The following KIR2DL3 variants were observed in gnomAD, a reference collection of about 807,000 sequenced individuals.
KIR2DL3 encodes killer cell immunoglobulin-like receptor 2DL3.
In KIR2DL3, 39 loss-of-function variants were observed where a neutral mutation model predicts 33.8. The observed-to-expected ratio is 1.15, with a 90% confidence interval of 0.89 to 1.51. KIR2DL3 has a LOEUF of 1.51. Among genes scored for constraint, KIR2DL3 ranks in the 40% most tolerant of loss-of-function variants. The pLI is 0.00. For synonymous variants in KIR2DL3, 174 were observed against 160.2 expected, an observed-to-expected ratio of 1.09 and a Z score of -0.65; for missense variants, 462 against 426.2, an observed-to-expected ratio of 1.08 and a Z score of -0.74.
intron 4 of KIR2DL3, among the ~76,000 whole-genome samples, chr19:54,744,776 C>G (rs79092889): frequency 0.2 from 26,367 of 131,800 alleles, 7 homozygotes; most frequent in South Asian, 0.27. Flanking sequence ...CCACCCGCAT[C>G]TGCCTCCCAA....
chr19:54,744,034 G>T lies in KIR2DL3; in HGVS notation c.610G>T (p.Asp204Tyr). 2 of 1,614,228 alleles carry T rather than the reference G, an allele frequency of 1.2e-6. No homozygotes were observed. The highest frequency in any genetic ancestry group is 1.3e-5 in the African/African-American group (1 of 75,054). The change falls in exon 4 of 8, where the codon GAC (aspartate) becomes TAC (tyrosine). Residue 204 changes from aspartate to tyrosine, a missense_variant. By Grantham distance (160) the Asp-to-Tyr change is radical. Transcript: ENST00000342376. ...CTACAGATGCTTCGGCTCTTTCCGT[G>T]ACTCTCCATACGAGTGGTCAAACTC... ...GTYRCFGSFR[D>Y]SPYEWSNSSD...
rs1251400719 is a variant in KIR2DL3, at chr19:54,743,972, C to T, written c.548C>T (p.Ala183Val). 9.9e-6 allele frequency: 16 copies of T among 1,614,218 alleles called. 1 individual carries two copies. The Middle Eastern group carries it at 6.6e-4, about 67-fold the overall frequency. ...CCCAAGGTCAACGGAACATTCCAGG[C>T]CGACTTTCCTCTGGGCCCTGCCACC... ...AGPKVNGTFQ[A>V]DFPLGPATHG... The change falls in exon 4 of 8, where the codon GCC becomes GTC. Residue 183 changes from alanine to valine, a missense_variant. By Grantham distance (64) the Ala-to-Val change is moderately conservative (BLOSUM62 0). Coordinates refer to ENST00000342376, the MANE Select transcript of KIR2DL3 (RefSeq NM_015868.3).
rs140321358 is a variant in KIR2DL3, at chr19:54,751,666, C to A, written c.733C>A (p.His245Asn). The change falls in exon 6 of 8, where the codon CAT becomes AAT. Residue 245 changes from histidine (H) to asparagine (N), a missense_variant. His to Asn is a moderately conservative substitution (Grantham distance 68, BLOSUM62 1). Coordinates refer to ENST00000342376, the MANE Select transcript of KIR2DL3 (RefSeq NM_015868.3). ...SSETGNPRHL[H>N]VLIGTSVVII... is the part of the protein sequence containing the mutation. ...TCTTCCAGGTAACCCCAGACACCTG[C>A]ATGTTCTGATTGGGACCTCAGTGGT... is the stretch of plus-strand genomic sequence containing the variant. 6.6e-7 allele frequency: 1 copy of A among 1,505,900 alleles called. No individual in the cohort carries two copies. The highest frequency in any genetic ancestry group is 9.0e-7 in the Non-Finnish European group (1 of 1,109,230). The allele number at this position is 1,505,900 out of a possible 1,614,324, so 93.3% of individuals were successfully genotyped here.
intron 3 of KIR2DL3, 94 bp from the exon 4 acceptor site, chr19:54,743,701 T>C (rs1461296666): frequency 2.9e-5 from 28 of 957,106 alleles, no homozygotes; most frequent in Non-Finnish European, 3.7e-5. Context: ...GAGAGAGCAT[T>C]AGGTCATAGA....
chr19:54,749,180 G>C (rs1446485090), intron 5 of KIR2DL3, among the ~76,000 whole-genome samples: 14 of 149,834 alleles, frequency 9.3e-5, no homozygotes, highest in African/African-American at 3.0e-4. Context: ...GTAGAGAGAC[G>C]GAGAGCACAC....
At chr19:54,748,013 A>G (rs1174353240) in intron 5 of KIR2DL3, among the ~76,000 whole-genome samples, 16 of 151,964 alleles carry the variant, frequency 1.1e-4, no homozygotes, top group African/African-American at 3.4e-4. Flanking sequence ...TCAAAGTAGG[A>G]AGTGCATCTT....
At position 54,745,662 on chromosome 19, in the gene KIR2DL3, C is replaced by T. The variant is rs1392019828; in HGVS notation, c.664+1574C>T. On this transcript the variant is annotated intron_variant, in intron 4 of 7. Transcript: ENST00000342376. ...TACAGGCATGATCCACCTCACCCAA[C>T]CTCTTTTTAGTTCTTTAAAGGACTT... Among the ~76,000 whole-genome samples, 4 of 151,716 alleles carry T rather than the reference C, an allele frequency of 2.6e-5. No individual in the cohort carries two copies. In the South Asian group the frequency reaches 6.3e-4, roughly 24 times the overall value.
At chr19:54,743,271 G>T (rs1657854451) in intron 3 of KIR2DL3, among the ~76,000 whole-genome samples, 1 of 151,946 alleles carries the variant, frequency 6.6e-6, no homozygotes, top group Non-Finnish European at 1.5e-5. Context: ...GATGAAGACA[G>T]ATAATACGTA....
intron 5 of KIR2DL3, among the ~76,000 whole-genome samples, chr19:54,748,212 C>T (rs1218191144): frequency 6.6e-6 from 1 of 151,754 alleles, no homozygotes; most frequent in Admixed American, 6.6e-5. Context: ...TTCTTCCTTA[C>T]CACACCTCTT....
intron 5 of KIR2DL3, 113 bp from the exon 6 acceptor site, chr19:54,751,536 G>T: frequency 1.1e-6 from 1 of 906,662 alleles, no homozygotes; most frequent in Non-Finnish European, 1.7e-6. Flanking sequence ...CCATCTGGGT[G>T]CTTGTCCTAA....
intron 6 of KIR2DL3, 106 bp from the exon 7 acceptor site, chr19:54,752,110 G>A: frequency 8.0e-7 from 1 of 1,247,824 alleles, no homozygotes; most frequent in Non-Finnish European, 1.1e-6. Flanking sequence ...TGGCAACTGA[G>A]GGACCTCAGG....
At chr19:54,738,869 G>A (rs1270877764) in intron 1 of KIR2DL3, among the ~76,000 whole-genome samples, 1 of 70,294 alleles carries the variant, frequency 1.4e-5, no homozygotes, top group Non-Finnish European at 3.0e-5. Context: ...ATAGGGGCCT[G>A]GAGTGGAGAT....
intron 2 of KIR2DL3, among the ~76,000 whole-genome samples, chr19:54,739,850 T>C (rs1205437878): frequency 6.6e-6 from 1 of 152,248 alleles, no homozygotes; most frequent in Non-Finnish European, 1.5e-5. Flanking sequence ...TGGTAGGGGC[T>C]GCAGTGTGGC....
At chr19:54,748,158 G>A (rs1555913290) in intron 5 of KIR2DL3, among the ~76,000 whole-genome samples, 34,453 of 138,714 alleles carry the variant, frequency 0.25, 3,053 homozygotes, top group Middle Eastern at 0.32. Context: ...CTTCCTCAAA[G>A]CCCACAAAGA....
intron 3 of KIR2DL3, among the ~76,000 whole-genome samples, chr19:54,743,394 T>C (rs1482181961): frequency 2.6e-5 from 4 of 152,180 alleles, no homozygotes; most frequent in African/African-American, 9.6e-5. Context: ...TATATAGATA[T>C]AGATGACAGG....
At chr19:54,745,927 C>T (rs547590417) in intron 4 of KIR2DL3, among the ~76,000 whole-genome samples, 1 of 141,592 alleles carries the variant, frequency 7.1e-6, no homozygotes, top group African/African-American at 2.6e-5. Context: ...ATTCTCCTGC[C>T]TCAGCCTCCC....
At chr19:54,741,287 C>A (rs1201054319) in intron 2 of KIR2DL3, among the ~76,000 whole-genome samples, 1 of 151,016 alleles carries the variant, frequency 6.6e-6, no homozygotes, top group Non-Finnish European at 1.5e-5. Context: ...TTGCAGTGAG[C>A]CTAGACCACA....
chr19:54,741,070 A>G (rs1479474694), intron 2 of KIR2DL3, among the ~76,000 whole-genome samples: 2 of 151,834 alleles, frequency 1.3e-5, no homozygotes, highest in Non-Finnish European at 2.9e-5. Context: ...TTCTGTCTCC[A>G]GTACTGGAAG....
chr19:54,750,513 G>T (rs1317747323), intron 5 of KIR2DL3, among the ~76,000 whole-genome samples: 3 of 138,370 alleles, frequency 2.2e-5, no homozygotes, highest in African/African-American at 8.1e-5. Flanking sequence ...TTTTTATCTT[G>T]ATTTCACTTT....
Sources: allele counts gnomAD v4.1 joint callset (sites outside exome capture counted in the v4.1 genomes callset), GRCh38; gene constraint gnomAD v4.1.1; transcripts MANE v1.5; gene names NCBI Gene and HGNC (gene_info 2026-07-23, HGNC 2026-07-21).